ZNF407: variants seen among roughly 807,000 people sequenced by gnomAD.
ZNF407 encodes zinc finger protein 407.
ZNF407 carries 17 observed loss-of-function variants against 131.2 expected under a neutral mutation model. The ratio of observed to expected loss-of-function variants is 0.13; its 90% CI spans 0.09 to 0.19. ZNF407 has a LOEUF of 0.19. Among genes scored for constraint, ZNF407 ranks in the 10% least tolerant of loss-of-function variants. The probability of loss-of-function intolerance (pLI) is 1.00; values close to 1 mark genes in which losing one functional copy is unlikely to be tolerated. For missense variants in ZNF407, 2,681 were observed against 2,830.6 expected (o/e 0.95, Z 1.20); for synonymous variants, 1,156 against 1,062.0 (o/e 1.09, Z -1.72).
chr18:74,601,389 G>A (rs1044508145), intron 1 of ZNF407, among the ~76,000 whole-genome samples: 2 of 151,300 alleles, frequency 1.3e-5, no homozygotes, highest in African/African-American at 2.4e-5. Flanking sequence ...TGGCAAGACC[G>A]GCCTTCATGT....
chr18:74,610,265 A>G (rs1201431894), intron 1 of ZNF407, among the ~76,000 whole-genome samples: 1 of 152,222 alleles, frequency 6.6e-6, no homozygotes, highest in Non-Finnish European at 1.5e-5. Flanking sequence ...ATCTAACAGT[A>G]TTCAAGTAGA....
chr18:74,811,730 T>G (rs911766054), intron 4 of ZNF407, among the ~76,000 whole-genome samples: 21 of 152,194 alleles, frequency 1.4e-4, no homozygotes, highest in Admixed American at 3.9e-4. Flanking sequence ...TGTAGGGACA[T>G]GGATGAAATT....
intron 3 of ZNF407, among the ~76,000 whole-genome samples, chr18:74,749,964 C>A (rs1968760418): frequency 6.6e-6 from 1 of 152,058 alleles, no homozygotes; most frequent in African/African-American, 2.4e-5. Context: ...AGAAGAGAGG[C>A]CTAAATTCAC....
chr18:74,662,473 A>C (rs1304287510), intron 3 of ZNF407, among the ~76,000 whole-genome samples: 1 of 152,238 alleles, frequency 6.6e-6, no homozygotes, highest in African/African-American at 2.4e-5. Flanking sequence ...TTAGGCTTGA[A>C]ATAAGTTCAT....
At chr18:74,933,420 G>A (rs1035035873) in intron 8 of ZNF407, among the ~76,000 whole-genome samples, 7 of 152,152 alleles carry the variant, frequency 4.6e-5, no homozygotes, top group Non-Finnish European at 1.0e-4. Context: ...GGGAAAATGG[G>A]GAGTTGTGTG....
chr18:75,056,445 C>G (rs549494090), intron 8 of ZNF407, among the ~76,000 whole-genome samples: 1 of 152,334 alleles, frequency 6.6e-6, no homozygotes, highest in Non-Finnish European at 1.5e-5. Context: ...AGAGGTTACT[C>G]TGTCCCATGT....
In ZNF407 at chr18:74,857,060, C is replaced by T. The variant is rs1489935902; in HGVS notation, c.4878-20137C>T. On this transcript the variant is annotated intron_variant, in intron 4 of 8. Coordinates refer to ENST00000299687, the MANE Select transcript of ZNF407 (RefSeq NM_017757.3). ...TCATTATTTTTAAATGATTTAAGAA[C>T]GGGTAAAGATCTTACAGCGTATACT... is the stretch of plus-strand genomic sequence containing the variant. Among the ~76,000 whole-genome samples the T allele has an allele frequency of 3.3e-5, 5 of 152,082 alleles. 1 individual carries two copies. The highest frequency in any genetic ancestry group is 4.1e-4 in the South Asian group (2 of 4,828).
intron 8 of ZNF407, among the ~76,000 whole-genome samples, chr18:75,002,658 A>T (rs1440064174): frequency 6.6e-6 from 1 of 152,042 alleles, no homozygotes; most frequent in Admixed American, 6.5e-5. Context: ...CAAAAAAATT[A>T]ACCGGGCGTG....
chr18:74,939,558 A>C (rs1394195865), intron 8 of ZNF407, among the ~76,000 whole-genome samples: 1 of 152,232 alleles, frequency 6.6e-6, no homozygotes, highest in African/African-American at 2.4e-5. Context: ...AAGTATATGC[A>C]AAAATGCTTA....
At chr18:74,939,935 TACACACC>T (rs1972078274) in intron 8 of ZNF407, among the ~76,000 whole-genome samples, 1 of 152,186 alleles carries the variant, frequency 6.6e-6, no homozygotes, top group Non-Finnish European at 1.5e-5. Flanking sequence ...TTGGGAAGCT[TACACACC>T]ATGTCTCAGT....
intron 1 of ZNF407, among the ~76,000 whole-genome samples, chr18:74,604,172 A>G (rs1982698975): frequency 6.6e-6 from 1 of 152,206 alleles, no homozygotes; most frequent in African/African-American, 2.4e-5. Flanking sequence ...ACCTCCTCAC[A>G]AAGTACAAGG....
intron 8 of ZNF407, among the ~76,000 whole-genome samples, chr18:74,986,266 C>T (rs555496079): frequency 8.6e-5 from 13 of 151,728 alleles, no homozygotes; most frequent in Admixed American, 1.3e-4. Flanking sequence ...TGTGAGCTCT[C>T]GGTGGGAATA....
chr18:74,683,141 A>G (rs1967023995), intron 3 of ZNF407, among the ~76,000 whole-genome samples: 2 of 152,224 alleles, frequency 1.3e-5, no homozygotes, highest in African/African-American at 2.4e-5. Context: ...TTCTAATAGC[A>G]TATAACAAAT....
rs377299149 is a variant in ZNF407, at chr18:74,736,099, C to T, written c.4803-45329C>T. On this transcript the variant is annotated intron_variant, in intron 3 of 8. Coordinates refer to ENST00000299687, the MANE Select transcript of ZNF407 (RefSeq NM_017757.3). ...GACGAGACCTAGTGTTTTATGACTT[C>T]GGGTGATGAATAGCTACCATATTAC... Among the ~76,000 whole-genome samples, 503 of 152,236 alleles carry T rather than the reference C, an allele frequency of 3.3e-3. 3 individuals are homozygous for T. The highest frequency in any genetic ancestry group is 5.3e-3 in the Non-Finnish European group (362 of 67,996).
chr18:74,779,121 T>C (rs1272458921), intron 3 of ZNF407, among the ~76,000 whole-genome samples: 1 of 87,872 alleles, frequency 1.1e-5, no homozygotes, highest in African/African-American at 3.6e-5. Context: ...TTTTTTTTTT[T>C]TTTTTTTTTT....
At chr18:75,046,984 A>G (rs766860066) in intron 8 of ZNF407, among the ~76,000 whole-genome samples, 2 of 152,234 alleles carry the variant, frequency 1.3e-5, no homozygotes, top group South Asian at 2.1e-4. Flanking sequence ...GAAACCTTCT[A>G]TATTAATAGG....
At chr18:74,804,315 A>T in intron 4 of ZNF407, 2 of 1,121,262 alleles carry the variant, frequency 1.8e-6, no homozygotes, top group South Asian at 3.8e-5. Flanking sequence ...AAAAAAAAAA[A>T]CCCTTAATGA....
intron 8 of ZNF407, among the ~76,000 whole-genome samples, chr18:74,937,637 C>A (rs1170765064): frequency 6.6e-6 from 1 of 152,014 alleles, no homozygotes; most frequent in African/African-American, 2.4e-5. Context: ...GAGTTAAAAC[C>A]TTAAAAGTGG....
intron 5 of ZNF407, among the ~76,000 whole-genome samples, chr18:74,880,432 A>T (rs1264881300): frequency 6.6e-6 from 1 of 152,216 alleles, no homozygotes. Flanking sequence ...TTTTTATGCC[A>T]TGAAAGCGAG....
Sources: gnomAD v4.1 joint callset for allele counts (sites outside exome capture counted in the v4.1 genomes callset) on GRCh38, gnomAD v4.1.1 for gene constraint, MANE v1.5 for transcripts, NCBI Gene and HGNC (gene_info 2026-07-23, HGNC 2026-07-21) for gene names.